Variants in SGIP1 observed in about 807,000 individuals in gnomAD.
The protein encoded by SGIP1 is SH3-containing GRB2-like protein 3-interacting protein 1.
In SGIP1, 38 loss-of-function variants were observed where a neutral mutation model predicts 107.5. The ratio of observed to expected loss-of-function variants is 0.35; its 90% confidence interval spans 0.27 to 0.46. The LOEUF (loss-of-function observed/expected upper bound fraction) is 0.46, where lower values mean the gene tolerates loss of function less well. Ranked by LOEUF, SGIP1 falls within the 20% of genes least tolerant of loss-of-function variation. SGIP1 has a pLI of 1.00. For missense variants in SGIP1, 929 were observed against 1,019.5 expected, an observed-to-expected ratio of 0.91 and a Z score of 1.21; for synonymous variants, 365 against 366.1, an observed-to-expected ratio of 1.00 and a Z score of 0.03.
Position 66,534,228 on chromosome 1 carries a change from C to A in SGIP1, c.-131C>A. On this transcript the variant is annotated 5_prime_UTR_variant, in exon 1 of 25. Coordinates refer to ENST00000371037, the MANE Select transcript of SGIP1 (RefSeq NM_032291.4). Reference sequence around the variant, plus strand: ...GCCTGTCTTTTGGCTTAACACTTATCTCCTTTGGCTTTGACAGCGGACGGA... The same window carrying A: ...GCCTGTCTTTTGGCTTAACACTTATATCCTTTGGCTTTGACAGCGGACGGA... 1 of 927,244 alleles carries A rather than the reference C, an allele frequency of 1.1e-6. No individual in the cohort carries two copies. Among genetic ancestry groups the A allele is most frequent in the Non-Finnish European group, 1.8e-6 (1 of 570,832 alleles). 57.4% of individuals were successfully genotyped at this position (927,244 alleles called of 1,614,324 possible).
At chr1:66,638,629 C>T (rs2076228362) in intron 4 of SGIP1, among the ~76,000 whole-genome samples, 1 of 152,082 alleles carries the variant, frequency 6.6e-6, no homozygotes, top group African/African-American at 2.4e-5. Flanking sequence ...CATTATTCAC[C>T]CTTGCCAAAG....
chr1:66,740,762 C>CCATTTTAGCTTTACATGT, intron 23 of SGIP1, 40 bp downstream of exon 23: 1 of 1,403,514 alleles, frequency 7.1e-7, no homozygotes, highest in Non-Finnish European at 1.0e-6. Flanking sequence ...ACATGTAAAG[C>CCATTTTAGCTTTACATGT]TAAAATGGCT....
chr1:66,564,918 A>G (rs17129100), intron 1 of SGIP1, among the ~76,000 whole-genome samples: 19,903 of 152,024 alleles, frequency 0.13, 1,345 homozygotes, highest in South Asian at 0.14. Flanking sequence ...TTATGTAACT[A>G]GCGTAATAGT....
At chr1:66,596,228 A>G (rs1238081712) in intron 1 of SGIP1, among the ~76,000 whole-genome samples, 1 of 152,186 alleles carries the variant, frequency 6.6e-6, no homozygotes, top group East Asian at 1.9e-4. Flanking sequence ...TACCACGCCC[A>G]AGAAGAATGA....
rs577044178 is a variant in SGIP1, at chr1:66,745,277, T to C, written c.*2182T>C. On this transcript the variant is annotated 3_prime_UTR_variant, in exon 25 of 25. Transcript: ENST00000371037. Reference sequence around the variant, plus strand: ...TCTTTCTAGGGATTAAATTAGAAACTATGAAGAAATCCTATAATCTCTTAA... The same window carrying C: ...TCTTTCTAGGGATTAAATTAGAAACCATGAAGAAATCCTATAATCTCTTAA... The C allele has an allele frequency of 6.6e-6, 1 of 152,140 alleles. No individual in the cohort carries two copies. The highest frequency in any genetic ancestry group is 1.9e-4 in the East Asian group (1 of 5,192). 9.4% of individuals were successfully genotyped at this position (152,140 alleles called of 1,614,324 possible).
At chr1:66,730,258 A>G (rs2093947400) in intron 20 of SGIP1, among the ~76,000 whole-genome samples, 2 of 152,116 alleles carry the variant, frequency 1.3e-5, no homozygotes, top group South Asian at 4.1e-4. Flanking sequence ...ACTTATGCAA[A>G]TATGTTTATA....
intron 1 of SGIP1, among the ~76,000 whole-genome samples, chr1:66,554,195 T>C (rs1180185769): frequency 1.3e-5 from 2 of 152,148 alleles, no homozygotes; most frequent in Non-Finnish European, 2.9e-5. Context: ...GTCAATACAA[T>C]TTCAGAACAA....
Position 66,739,517 on chromosome 1 carries a change from A to G in SGIP1, c.2214A>G (p.Ala738=). ...PIDGGVTKLQ[A]VLPPAVWNAE... ...ACGGAGGAGTCACCAAGCTCCAGGC[A>G]GTGCTCCCACCAGCAGTCTGGTATG... Residue 738 remains alanine (A), a synonymous_variant, in exon 22 of 25, where the codon GCA becomes GCG. Coordinates refer to ENST00000371037, the MANE Select transcript of SGIP1 (RefSeq NM_032291.4). 6.2e-7 allele frequency: 1 copy of G among 1,613,976 alleles called. No individual in the cohort carries two copies. The highest frequency in any genetic ancestry group is 8.5e-7 in the Non-Finnish European group (1 of 1,180,026).
At chr1:66,697,231 A>G (rs2091093249) in intron 18 of SGIP1, among the ~76,000 whole-genome samples, 1 of 152,210 alleles carries the variant, frequency 6.6e-6, no homozygotes, top group Non-Finnish European at 1.5e-5. Flanking sequence ...TGTTTTGAAA[A>G]TACATATTAT....
intron 1 of SGIP1, among the ~76,000 whole-genome samples, chr1:66,624,987 T>G (rs2072257693): frequency 6.6e-6 from 1 of 152,174 alleles, no homozygotes; most frequent in Non-Finnish European, 1.5e-5. Context: ...TGGAAGATAT[T>G]TGAAATCACA....
chr1:66,626,297 T>C (rs2072751884), intron 2 of SGIP1, among the ~76,000 whole-genome samples: 1 of 152,150 alleles, frequency 6.6e-6, no homozygotes, highest in South Asian at 2.1e-4. Context: ...CCTGTTTGGA[T>C]AGATTAGACC....
chr1:66,653,598 G>A (rs2079144626), intron 7 of SGIP1, among the ~76,000 whole-genome samples: 1 of 152,070 alleles, frequency 6.6e-6, no homozygotes, highest in African/African-American at 2.4e-5. Flanking sequence ...GAGGGTTCTG[G>A]AAACATGATC....
At chr1:66,588,395 ACT>A (rs1424817900) in intron 1 of SGIP1, among the ~76,000 whole-genome samples, 99 of 152,154 alleles carry the variant, frequency 6.5e-4, no homozygotes, top group Admixed American at 1.2e-3. Context: ...AAATATTAGA[ACT>A]TCCCCTACTT....
intron 1 of SGIP1, among the ~76,000 whole-genome samples, chr1:66,585,570 TTGTG>T (rs113981156): frequency 8.7e-5 from 13 of 150,062 alleles, no homozygotes; most frequent in East Asian, 3.9e-4. Context: ...GCTTTGGAGT[TTGTG>T]TGTGTGTGTG....
chr1:66,731,814 A>G (rs1478743282), intron 20 of SGIP1, among the ~76,000 whole-genome samples: 1 of 151,892 alleles, frequency 6.6e-6, no homozygotes, highest in East Asian at 1.9e-4. Context: ...ATATGTCACC[A>G]TGGCCCCTGG....
intron 8 of SGIP1, chr1:66,667,002 A>G (rs2082705689): frequency 6.6e-6 from 1 of 152,564 alleles, no homozygotes; most frequent in Non-Finnish European, 1.5e-5. Context: ...CCTTATAAGC[A>G]CACCTTCCAT....
intron 7 of SGIP1, 128 bp downstream of exon 7, chr1:66,643,847 C>T (rs2077189610): frequency 1.3e-6 from 1 of 763,198 alleles, no homozygotes; most frequent in South Asian, 3.9e-5. Flanking sequence ...ATCATGAATT[C>T]TATAAATCTA....
intron 1 of SGIP1, among the ~76,000 whole-genome samples, chr1:66,553,769 T>A (rs1330952475): frequency 6.6e-6 from 1 of 152,122 alleles, no homozygotes; most frequent in Non-Finnish European, 1.5e-5. Flanking sequence ...CTCCTAGTGC[T>A]GCTCCCTTCA....
intron 8 of SGIP1, among the ~76,000 whole-genome samples, chr1:66,661,797 T>G (rs1250904929): frequency 1.3e-5 from 1 of 76,188 alleles, no homozygotes; most frequent in Non-Finnish European, 2.2e-5. Flanking sequence ...CTATGGTGCT[T>G]TAAAAATTCT....
Sources: gnomAD v4.1 joint callset for allele counts (sites outside exome capture counted in the v4.1 genomes callset) on GRCh38, gnomAD v4.1.1 for gene constraint, MANE v1.5 for transcripts, NCBI Gene and HGNC (gene_info 2026-07-23, HGNC 2026-07-21) for gene names.